Variants in MYO16 observed in about 807,000 individuals in gnomAD.
MYO16 encodes the protein unconventional myosin-XVI.
A neutral mutation model predicts 205.3 loss-of-function variants in MYO16; 94 were observed. The observed-to-expected ratio is 0.46, with a 90% CI of 0.39 to 0.54. The LOEUF (loss-of-function observed/expected upper bound fraction) is 0.54. Ranked by LOEUF, MYO16 falls within the 20% of genes least tolerant of loss-of-function variation. MYO16 has a pLI of 0.00. For missense variants in MYO16, 2,315 were observed against 2,387.5 expected (o/e 0.97, Z 0.63); for synonymous variants, 988 against 954.0 (o/e 1.04, Z -0.66).
chr13:108,793,049 C>T (rs188537361), intron 5 of MYO16, among the ~76,000 whole-genome samples: 1 of 152,078 alleles, frequency 6.6e-6, no homozygotes. Context: ...TTTGGGAAGC[C>T]GAGGTGGGAG....
chr13:109,057,229 A>G (rs1017037834), intron 27 of MYO16, among the ~76,000 whole-genome samples: 1 of 152,178 alleles, frequency 6.6e-6, no homozygotes, highest in African/African-American at 2.4e-5. Context: ...AAAGACACAT[A>G]GAAGAAAATA....
At chr13:108,549,823 G>T in the MYO16 span, among the ~76,000 whole-genome samples, 1 of 152,172 alleles carries the variant, frequency 6.6e-6, no homozygotes, top group African/African-American at 2.4e-5. Flanking sequence ...GTGATTAAAA[G>T]TTTAAAAGAC....
intron 34 of MYO16, among the ~76,000 whole-genome samples, chr13:109,204,026 C>G (rs959222380): frequency 2.6e-5 from 4 of 152,152 alleles, no homozygotes; most frequent in African/African-American, 9.7e-5. Context: ...TGGCAAATGT[C>G]CCCGGGAGGA....
chr13:109,109,917 A>G (rs1257147380), intron 28 of MYO16, among the ~76,000 whole-genome samples: 1 of 152,256 alleles, frequency 6.6e-6, no homozygotes, highest in East Asian at 1.9e-4. Context: ...AAGATGCACT[A>G]CATAAGATCA....
intron 21 of MYO16, 121 bp from the exon 22 acceptor site, chr13:109,008,776 G>C: frequency 1.8e-6 from 1 of 567,762 alleles, no homozygotes; most frequent in Non-Finnish European, 3.0e-6. Context: ...ATGCACTACT[G>C]TACTATCTAT....
At chr13:108,627,370 G>A (rs1879783536), upstream of MYO16, among the ~76,000 whole-genome samples, 1 of 152,164 alleles carries the variant, frequency 6.6e-6, no homozygotes, top group African/African-American at 2.4e-5. Context: ...ATTTCTCAGT[G>A]TATCCTCCTT....
chr13:108,547,141 G>A, the MYO16 span, among the ~76,000 whole-genome samples: 2 of 151,652 alleles, frequency 1.3e-5, no homozygotes, highest in South Asian at 2.1e-4. Flanking sequence ...GCATCATGGC[G>A]GGCACCTGTA....
At position 108,830,291 on chromosome 13, in the gene MYO16, C is replaced by T. The variant is rs1876532085; in HGVS notation, c.1097+7013C>T. On this transcript the variant is annotated intron_variant, in intron 9 of 34. Transcript: ENST00000457511. ...ACCCAAAGGACTATAAATCATGCTGCTATAAAGACACATGCACACGTATGT... is the reference window on the plus strand; with the variant it reads ...ACCCAAAGGACTATAAATCATGCTGTTATAAAGACACATGCACACGTATGT... Among the ~76,000 whole-genome samples, 4 of 118,410 alleles carry T rather than the reference C, an allele frequency of 3.4e-5. No individual in the cohort carries two copies. In the South Asian group the frequency reaches 1.2e-3, roughly 35 times the overall value. The allele number at this position is 118,410 out of a possible 152,430, so 77.7% of individuals were successfully genotyped here. A position where few individuals can be genotyped will look rare whatever the true frequency, so the allele number is the denominator to read the frequency against.
intron 20 of MYO16, among the ~76,000 whole-genome samples, chr13:108,988,439 C>CT (rs71684157): frequency 3.2e-4 from 48 of 148,864 alleles, no homozygotes; most frequent in South Asian, 1.3e-3. Flanking sequence ...ATGGAATTTT[C>CT]TTTTTTTTTT....
At chr13:108,883,238 G>C in intron 13 of MYO16, 52 bp downstream of exon 13, 1 of 1,588,052 alleles carries the variant, frequency 6.3e-7, no homozygotes, top group Non-Finnish European at 8.6e-7. Context: ...ACGGGGCTTG[G>C]CAGTAAAGAT....
At chr13:108,713,470 C>T (rs1883802632) in intron 3 of MYO16, among the ~76,000 whole-genome samples, 1 of 152,170 alleles carries the variant, frequency 6.6e-6, no homozygotes, top group Non-Finnish European at 1.5e-5. Flanking sequence ...TCCTTAACAT[C>T]ACATAAATTT....
chr13:108,869,698 T>A (rs1878938548), intron 12 of MYO16, among the ~76,000 whole-genome samples: 1 of 121,776 alleles, frequency 8.2e-6, no homozygotes, highest in African/African-American at 3.2e-5. Flanking sequence ...GCCACTGCAC[T>A]CCAGCCTGGG....
At chr13:109,139,712 A>G (rs995759363) in intron 31 of MYO16, among the ~76,000 whole-genome samples, 1 of 152,160 alleles carries the variant, frequency 6.6e-6, no homozygotes, top group African/African-American at 2.4e-5. Context: ...AAGGGTGGGG[A>G]ACGTGACTGG....
chr13:109,199,240 A>ATATATATG (rs1304819356), intron 34 of MYO16, among the ~76,000 whole-genome samples: 5 of 93,992 alleles, frequency 5.3e-5, no homozygotes, highest in Admixed American at 2.5e-4. Context: ...ATATATATAT[A>ATATATATG]CCGTCATTTT....
chr13:108,987,425 T>C (rs1884680081), intron 20 of MYO16, among the ~76,000 whole-genome samples: 1 of 151,988 alleles, frequency 6.6e-6, no homozygotes, highest in Non-Finnish European at 1.5e-5. Flanking sequence ...CCCTGAGAGG[T>C]TGAAATAAGG....
chr13:108,762,266 C>T (rs1258932894), intron 4 of MYO16, among the ~76,000 whole-genome samples: 1 of 134,622 alleles, frequency 7.4e-6, no homozygotes, highest in Non-Finnish European at 1.6e-5. Context: ...CAGGTTGATT[C>T]CATGTCTTTG....
At chr13:108,660,910 A>G (rs1400623385) in intron 1 of MYO16, among the ~76,000 whole-genome samples, 2 of 152,132 alleles carry the variant, frequency 1.3e-5, no homozygotes, top group Non-Finnish European at 1.5e-5. Flanking sequence ...TATGCTTTAA[A>G]GAGGTCCTGT....
intron 6 of MYO16, among the ~76,000 whole-genome samples, chr13:108,803,445 A>G (rs1253461043): frequency 6.6e-6 from 1 of 152,226 alleles, no homozygotes; most frequent in Non-Finnish European, 1.5e-5. Flanking sequence ...CAGTAAATGA[A>G]ACGAACAGGC....
intron 20 of MYO16, among the ~76,000 whole-genome samples, chr13:108,990,574 T>A (rs1884795549): frequency 6.6e-6 from 1 of 152,220 alleles, no homozygotes; most frequent in Non-Finnish European, 1.5e-5. Flanking sequence ...TAACATTTAA[T>A]CCATGTAGAG....
Sources: gnomAD v4.1 joint callset for allele counts (sites outside exome capture counted in the v4.1 genomes callset) on GRCh38, gnomAD v4.1.1 for gene constraint, MANE v1.5 for transcripts, NCBI Gene and HGNC (gene_info 2026-07-23, HGNC 2026-07-21) for gene names.